USP19: variants seen among roughly 807,000 people sequenced by gnomAD.
USP19 encodes ubiquitin carboxyl-terminal hydrolase 19.
Under a neutral mutation model 144.8 loss-of-function variants are expected in USP19, and 40 were observed. The observed-to-expected ratio is 0.28, with a 90% CI of 0.21 to 0.36. USP19 has a LOEUF of 0.36. USP19 is among the 10% of genes least tolerant of loss of function. USP19 has a pLI of 1.00. For missense variants in USP19, 1,518 were observed against 1,822.5 expected (o/e 0.83, Z 3.04); for synonymous variants, 701 against 709.3 (o/e 0.99, Z 0.19).
chr3:49,119,052 G>C lies in USP19; in HGVS notation c.94C>G (p.Gln32Glu). Residue 32 changes from glutamine (Q) to glutamate (E), a missense_variant, in exon 2 of 27, where the codon CAG becomes GAG. Around this residue, in one of 5 missense-constraint regions of USP19, gnomAD observed 707 missense variants for 728.9 expected, o/e 0.97. Coordinates refer to ENST00000417901, the MANE Select transcript of USP19 (RefSeq NM_001199161.2). ...CTAGGATCTCCATCCTTGCTCTCCT[G>C]GTTTGCTCGATCCTTCTGCTTCTTC... is the stretch of plus-strand genomic sequence containing the variant. ...SKKKQKDRAN[Q>E]ESKDGDPRKE... is the part of the protein sequence containing the mutation. The C allele has an allele frequency of 6.2e-7, 1 of 1,614,210 alleles. No individual in the cohort carries two copies. Among genetic ancestry groups the C allele is most frequent in the East Asian group, 2.2e-5 (1 of 44,888 alleles).
At chr3:49,109,927 A>G in intron 26 of USP19, 1 of 352,980 alleles carries the variant, frequency 2.8e-6, no homozygotes, top group African/African-American at 2.1e-5. Flanking sequence ...GGTTCAGAGC[A>G]GTTGCCTGAC....
rs1324308780 is a variant in USP19 at position 49,112,450 on chromosome 3, C to A, written c.2646+39G>T. ...GCAAGACCAGGAAGAAGTGCCCCAC[C>A]CACCAGGGCGCTGTGCCATCAGGTT... On this transcript the variant is annotated intron_variant, in intron 18 of 26. Coordinates refer to ENST00000417901, the MANE Select transcript of USP19 (RefSeq NM_001199161.2). The surrounding 1 kb of genome is among the most constrained non-coding windows in gnomAD (Gnocchi z 4.9). The A allele has an allele frequency of 1.9e-6, 3 of 1,613,890 alleles. No individual in the cohort carries two copies. The highest frequency in any genetic ancestry group is 2.5e-6 in the Non-Finnish European group (3 of 1,179,866).
chr3:49,110,234 A>G lies in USP19; in HGVS notation c.3988T>C (p.Ser1330Pro). Residue 1330 changes from serine to proline, a missense_variant, in exon 26 of 27, where the codon TCT becomes CCT. Ser to Pro is a moderately conservative substitution (Grantham distance 74). This residue lies in a region of USP19 where 118 missense variants were observed against 100.2 expected (regional missense o/e 1.18). Transcript: ENST00000417901. The surrounding 1 kb of genome is among the most constrained non-coding windows in gnomAD (Gnocchi z 6.1). ...PVERPPRAGH[S>P]EHHPDLGPAA... ...GGGCCTAGGTCTGGGTGGTGCTCAG[A>G]GTGACCTGCCCTGGGGGGCCTCTCC... 6.3e-7 allele frequency: 1 copy of G among 1,579,206 alleles called. No homozygotes were observed. Among genetic ancestry groups the G allele is most frequent in the Non-Finnish European group, 8.6e-7 (1 of 1,161,730 alleles).
In USP19 at chr3:49,108,439, G is replaced by A; in HGVS notation, c.4128C>T (p.Thr1376=). 7.2e-7 allele frequency: 1 copy of A among 1,384,602 alleles called. No homozygotes were observed. Among genetic ancestry groups the A allele is most frequent in the African/African-American group, 1.5e-5 (1 of 66,084 alleles). 85.8% of individuals were successfully genotyped at this position (1,384,602 alleles called of 1,614,324 possible). A position where few individuals can be genotyped will look rare whatever the true frequency, so the allele number is the denominator to read the frequency against. The part of the protein sequence containing the change: ...FAPPVDRPAP[T]YSNMEEVD ...AATCCACCTCCTCCATGTTGCTGTA[G>A]GTGGGGGCTGGCCGATCCACAGGGG... Residue 1376 remains threonine (T), a synonymous_variant, in exon 27 of 27, where the codon ACC becomes ACT. Transcript: ENST00000417901. This position sits in a 1 kb window ranked among gnomAD's most constrained non-coding sequence, Gnocchi z 4.8.
rs2043363623 is a variant in USP19 at position 49,112,679 on chromosome 3, A to G, written c.2506-50T>C. ...CCACGTGAGGATAAGCCCTTTCCCT[A>G]GCCCTGCCCCAGAGTTTAAGAAGGC... On this transcript the variant is annotated intron_variant, in intron 17 of 26. Coordinates refer to ENST00000417901, the MANE Select transcript of USP19 (RefSeq NM_001199161.2). The surrounding 1 kb of genome is among the most constrained non-coding windows in gnomAD (Gnocchi z 4.9). 1 of 1,575,664 alleles carries G rather than the reference A, an allele frequency of 6.3e-7. No homozygotes were observed. Among genetic ancestry groups the G allele is most frequent in the Admixed American group, 1.7e-5 (1 of 57,808 alleles).
At position 49,117,729 on chromosome 3, in the gene USP19, C is replaced by T. The variant is rs778654903; in HGVS notation, c.400G>A (p.Gly134Arg). ...TCCTCCAGCTGCAGGGGACCTACTC[C>T]CACACGAAGCTTGACAATCACCTCT... Reference protein sequence around the residue: ...AEEVIVKLRVGVGPLQLEDVD... With the variant: ...AEEVIVKLRVRVGPLQLEDVD... The change falls in exon 4 of 27, where the codon GGA becomes AGA. Residue 134 changes from glycine (G) to arginine (R), a missense_variant. Coordinates refer to ENST00000417901, the MANE Select transcript of USP19 (RefSeq NM_001199161.2). The surrounding 1 kb of genome is among the most constrained non-coding windows in gnomAD (Gnocchi z 4.4). The T allele has an allele frequency of 6.2e-7, 1 of 1,614,030 alleles. No individual in the cohort carries two copies.
chr3:49,115,727 G>A lies in USP19; in HGVS notation c.1689C>T (p.Ala563=), dbSNP rs369761682. 2 of 1,609,718 alleles carry A rather than the reference G, an allele frequency of 1.2e-6. No individual in the cohort carries two copies. Among genetic ancestry groups the A allele is most frequent in the African/African-American group, 2.7e-5 (2 of 74,868 alleles). The change falls in exon 11 of 27, where the codon GCC becomes GCT. Residue 563 remains alanine, a synonymous_variant. Transcript: ENST00000417901. The surrounding 1 kb of genome is among the most constrained non-coding windows in gnomAD (Gnocchi z 6.6). ...HVTPKPETHL[A]SPKPTCMVPP... is the part of the protein sequence containing the mutation. ...CTTCCCACCCCAGAATTCTCACCGA[G>A]GCCAGGTGTGTCTCTGGCTTTGGGG...
Position 49,111,823 on chromosome 3 carries a change from G to A in USP19, c.2904-10C>T, listed in dbSNP as rs374991992. On this transcript the variant is annotated splice_polypyrimidine_tract_variant and intron_variant, in intron 20 of 26. Transcript: ENST00000417901. This position sits in a 1 kb window ranked among gnomAD's most constrained non-coding sequence, Gnocchi z 5.9. ...TACACTCACAGAGTACCTGGCAACA[G>A]AGAACAACGCAAGTAAGACTCCTGA... is the stretch of plus-strand genomic sequence containing the variant. 6.2e-5 allele frequency: 97 copies of A among 1,576,316 alleles called. No homozygotes were observed. Among genetic ancestry groups the A allele is most frequent in the Non-Finnish European group, 7.9e-5 (92 of 1,159,302 alleles).
rs2043199524 is a variant in USP19 at position 49,111,849 on chromosome 3, C to A, written c.2904-36G>T. 6.3e-7 allele frequency: 1 copy of A among 1,596,626 alleles called. No homozygotes were observed. The highest frequency in any genetic ancestry group is 2.2e-5 in the East Asian group (1 of 44,646). ...AGAACAACGCAAGTAAGACTCCTGACCAGCCCATCTAGCACCTCTGCCCCC... is the reference window on the plus strand; with the variant it reads ...AGAACAACGCAAGTAAGACTCCTGAACAGCCCATCTAGCACCTCTGCCCCC... On this transcript the variant is annotated intron_variant, in intron 20 of 26. Coordinates refer to ENST00000417901, the MANE Select transcript of USP19 (RefSeq NM_001199161.2). The surrounding 1 kb of genome is among the most constrained non-coding windows in gnomAD (Gnocchi z 5.9).
Position 49,116,782 on chromosome 3 carries a change from A to T in USP19, c.1071T>A (p.Asp357Glu), listed in dbSNP as rs369003766. The stretch of plus-strand genomic sequence containing the variant: ...CTGCCATCTCCTCCTTGGCACAGTC[A>T]TCTTTCCCAGGGTTTCTGCTCCGGA... ...AMVRSRNPGK[D>E]DCAKEEMAVA... The change falls in exon 7 of 27, where the codon GAT becomes GAA. Residue 357 changes from aspartate (D) to glutamate (E), a missense_variant. By Grantham distance (45) the Asp-to-Glu change is conservative. Around this residue, in one of 5 missense-constraint regions of USP19, gnomAD observed 707 missense variants for 728.9 expected, o/e 0.97. Transcript: ENST00000417901. This position sits in a 1 kb window ranked among gnomAD's most constrained non-coding sequence, Gnocchi z 5.0. 9.9e-6 allele frequency: 16 copies of T among 1,613,366 alleles called. No individual in the cohort carries two copies. The highest frequency in any genetic ancestry group is 1.4e-5 in the Non-Finnish European group (16 of 1,179,880).
rs1320994279 is a variant in USP19 at position 49,118,775 on chromosome 3, C to CA, written c.124+246dup. ...AAAAAAAGGAAAAAAAGAACAGGTT[C>CA]AAAAAAAAGAAAAAAGTTTAAAAAG... is the stretch of plus-strand genomic sequence containing the variant. On this transcript the variant is annotated intron_variant, in intron 2 of 26. Transcript: ENST00000417901. Among the ~76,000 whole-genome samples the CA allele has an allele frequency of 4.0e-5, 6 of 151,230 alleles. No homozygotes were observed. In the East Asian group the frequency reaches 5.8e-4, roughly 15 times the overall value.
Position 49,117,370 on chromosome 3 carries a change from G to A in USP19, c.607-9C>T, listed in dbSNP as rs2044335987. The stretch of plus-strand genomic sequence containing the variant: ...GTCCCTAGAGGTTTCTTCTGCCAAA[G>A]ATACAGCAGTCAGGCCCTGTCGACT... On this transcript the variant is annotated splice_polypyrimidine_tract_variant and intron_variant, in intron 5 of 26. Coordinates refer to ENST00000417901, the MANE Select transcript of USP19 (RefSeq NM_001199161.2). This position sits in a 1 kb window ranked among gnomAD's most constrained non-coding sequence, Gnocchi z 4.4. The A allele has an allele frequency of 3.1e-6, 5 of 1,600,202 alleles. No individual in the cohort carries two copies. In the South Asian group the frequency reaches 3.3e-5, roughly 11 times the overall value.
At position 49,110,534 on chromosome 3, in the gene USP19, C is replaced by T; in HGVS notation, c.3769G>A (p.Val1257Ile). The change falls in exon 25 of 27, where the codon GTC (valine) becomes ATC (isoleucine). Residue 1257 changes from valine (V) to isoleucine (I), a missense_variant. Physicochemically the swap from Val to Ile is conservative, Grantham distance 29. This residue lies in a region of USP19 where 122 missense variants were observed against 200.4 expected (regional missense o/e 0.61). Coordinates refer to ENST00000417901, the MANE Select transcript of USP19 (RefSeq NM_001199161.2). This position sits in a 1 kb window ranked among gnomAD's most constrained non-coding sequence, Gnocchi z 6.1. ...EQLPSYDLYA[V>I]INHYGGMIGG... ...ATCATGCCTCCATAGTGGTTGATGA[C>T]AGCATATAGATCGTAGCTGGGCAGC... 6.2e-7 allele frequency: 1 copy of T among 1,614,172 alleles called. No homozygotes were observed. Among genetic ancestry groups the T allele is most frequent in the Non-Finnish European group, 8.5e-7 (1 of 1,180,034 alleles).
Position 49,108,772 on chromosome 3 carries a change from GGACA to G in USP19, c.4039-248_4039-245del. ...CAAGGGTCAGAGCAGCAGGATGAAT[GGACA>G]GACAGCCAGATGGATACACACCCTA... On this transcript the variant is annotated intron_variant, in intron 26 of 26. Coordinates refer to ENST00000417901, the MANE Select transcript of USP19 (RefSeq NM_001199161.2). The surrounding 1 kb of genome is among the most constrained non-coding windows in gnomAD (Gnocchi z 4.8). 7.1e-7 allele frequency: 1 copy of G among 1,409,172 alleles called. No individual in the cohort carries two copies. Among genetic ancestry groups the G allele is most frequent in the Non-Finnish European group, 9.2e-7 (1 of 1,086,022 alleles). The allele number at this position is 1,409,172 out of a possible 1,614,324, so 87.3% of individuals were successfully genotyped here. A position where few individuals can be genotyped will look rare whatever the true frequency, so the allele number is the denominator to read the frequency against.
chr3:49,116,092 T>A lies in USP19; in HGVS notation c.1426A>T (p.Arg476Trp). ...ASRIDICLRK[R>W]QSQRWGGLEA... ...AGGCCCCCCCAGCGCTGACTCTGCC[T>A]CTTACGAAGGCAGATGTCGATGCGA... The change falls in exon 10 of 27, where the codon AGG becomes TGG. Residue 476 changes from arginine (R) to tryptophan (W), a missense_variant. Coordinates refer to ENST00000417901, the MANE Select transcript of USP19 (RefSeq NM_001199161.2). This position sits in a 1 kb window ranked among gnomAD's most constrained non-coding sequence, Gnocchi z 5.0. 1 of 1,612,748 alleles carries A rather than the reference T, an allele frequency of 6.2e-7. No homozygotes were observed. The highest frequency in any genetic ancestry group is 8.5e-7 in the Non-Finnish European group (1 of 1,179,698).
Position 49,108,373 on chromosome 3 carries a change from G to T in USP19, c.*39C>A. On this transcript the variant is annotated 3_prime_UTR_variant, in exon 27 of 27. Coordinates refer to ENST00000417901, the MANE Select transcript of USP19 (RefSeq NM_001199161.2). The surrounding 1 kb of genome is among the most constrained non-coding windows in gnomAD (Gnocchi z 4.8). Reference sequence around the variant, plus strand: ...GGCAAGGAGCTGGCCCTCTGTGTGGGTGTCCCAAACCCAGTCCCCCCCATC... The same window carrying T: ...GGCAAGGAGCTGGCCCTCTGTGTGGTTGTCCCAAACCCAGTCCCCCCCATC... 2 of 798,296 alleles carry T rather than the reference G, an allele frequency of 2.5e-6. No homozygotes were observed. Among genetic ancestry groups the T allele is most frequent in the Non-Finnish European group, 3.7e-6 (2 of 534,224 alleles). 49.5% of individuals were successfully genotyped at this position (798,296 alleles called of 1,614,324 possible). A position where few individuals can be genotyped will look rare whatever the true frequency, so the allele number is the denominator to read the frequency against.
rs904719695 is a variant in USP19, at chr3:49,114,786, G to A, written c.2269C>T (p.Leu757=). 7.4e-6 allele frequency: 12 copies of A among 1,614,098 alleles called. No individual in the cohort carries two copies. Among genetic ancestry groups the A allele is most frequent in the Admixed American group, 5.0e-5 (3 of 60,000 alleles). The change falls in exon 15 of 27, where the codon CTG becomes TTG. Residue 757 remains leucine (L), a synonymous_variant. Coordinates refer to ENST00000417901, the MANE Select transcript of USP19 (RefSeq NM_001199161.2). The surrounding 1 kb of genome is among the most constrained non-coding windows in gnomAD (Gnocchi z 4.5). ...DLFQGQYKSK[L]VCPVCAKVSI... Reference sequence around the variant, plus strand: ...ACCTTGGCACACACAGGGCACACCAGCTTCGACTTGTACTGCCCCTGAAAT... The same window carrying A: ...ACCTTGGCACACACAGGGCACACCAACTTCGACTTGTACTGCCCCTGAAAT...
At chr3:49,109,137 C>T in intron 26 of USP19, 6 of 1,523,372 alleles carry the variant, frequency 3.9e-6, no homozygotes, top group Non-Finnish European at 4.4e-6. Context: ...CCAGACCCCT[C>T]AGGCACCGGC....
chr3:49,110,886 C>T lies in USP19; in HGVS notation c.3546-23G>A. 1 of 1,613,876 alleles carries T rather than the reference C, an allele frequency of 6.2e-7. No homozygotes were observed. Among genetic ancestry groups the T allele is most frequent in the East Asian group, 2.2e-5 (1 of 44,880 alleles). On this transcript the variant is annotated intron_variant, in intron 23 of 26. Transcript: ENST00000417901. This position sits in a 1 kb window ranked among gnomAD's most constrained non-coding sequence, Gnocchi z 6.1. ...TACCTGGTGGGGACAGAGATTGGGTCAGGACCAGCAAGTCTCTCTCTTCTC... is the reference window on the plus strand; with the variant it reads ...TACCTGGTGGGGACAGAGATTGGGTTAGGACCAGCAAGTCTCTCTCTTCTC...
Sources: allele counts gnomAD v4.1 joint callset (sites outside exome capture counted in the v4.1 genomes callset), GRCh38; gene constraint gnomAD v4.1.1; regional missense constraint gnomAD v4.1.1; non-coding constraint Gnocchi (gnomAD v3.1); transcripts MANE v1.5; gene names NCBI Gene and HGNC (gene_info 2026-07-23, HGNC 2026-07-21).